Variants in IFFO2 observed in about 807,000 individuals in gnomAD.
IFFO2 encodes the protein intermediate filament family orphan 2.
IFFO2 carries 19 observed loss-of-function variants against 53.5 expected under a neutral mutation model. The observed-to-expected ratio is 0.36, with a 90% CI of 0.25 to 0.52. The LOEUF (loss-of-function observed/expected upper bound fraction) is 0.52. IFFO2 is among the 20% of genes least tolerant of loss of function. The pLI is 0.94. For missense variants in IFFO2, 570 were observed against 727.4 expected, an observed-to-expected ratio of 0.78 and a Z score of 2.49; for synonymous variants, 303 against 313.6, an observed-to-expected ratio of 0.97 and a Z score of 0.36.
chr1:18,909,059 T>C (rs1935993864), intron 8 of IFFO2, among the ~76,000 whole-genome samples: 1 of 151,696 alleles, frequency 6.6e-6, no homozygotes, highest in South Asian at 2.1e-4. Flanking sequence ...TGATTCTATC[T>C]CGGATGAGCT....
intron 1 of IFFO2, among the ~76,000 whole-genome samples, chr1:18,951,544 A>G (rs1302205239): frequency 1.3e-5 from 2 of 152,228 alleles, no homozygotes; most frequent in Non-Finnish European, 2.9e-5. Flanking sequence ...CAGGCCCCCA[A>G]AAGAGTCGCC....
At chr1:18,950,279 A>G (rs2148192094) in intron 1 of IFFO2, among the ~76,000 whole-genome samples, 1 of 152,316 alleles carries the variant, frequency 6.6e-6, no homozygotes, top group African/African-American at 2.4e-5. Context: ...CATGCCCTGA[A>G]ATGGACTTGT....
At chr1:18,949,890 C>T (rs1018806703) in intron 1 of IFFO2, among the ~76,000 whole-genome samples, 1 of 152,226 alleles carries the variant, frequency 6.6e-6, no homozygotes, top group African/African-American at 2.4e-5. Flanking sequence ...AGCCCCGCCT[C>T]GCATTCCTCT....
chr1:18,938,585 G>A (rs1185568883), intron 1 of IFFO2, among the ~76,000 whole-genome samples: 5 of 152,196 alleles, frequency 3.3e-5, no homozygotes, highest in Admixed American at 6.5e-5. Flanking sequence ...AGCAGGCCTC[G>A]GGGGAAGCCC....
rs933814018 is a variant in IFFO2, at chr1:18,911,423, C to T, written c.1278G>A (p.Thr426=). The change falls in exon 7 of 9, where the codon ACG becomes ACA. Residue 426 remains threonine (T), a synonymous_variant. Coordinates refer to ENST00000455833, the MANE Select transcript of IFFO2 (RefSeq NM_001136265.2). ...TCGTTTCCTGGTACTCCTTGTCTCT[C>T]GTCTTGAAGAAGGATTCGGTCTCAT... ...LIHETESFFK[T]RDKEYQETIG... is the part of the protein sequence containing the mutation. 30 of 1,522,922 alleles carry T rather than the reference C, an allele frequency of 2.0e-5. No homozygotes were observed. The highest frequency in any genetic ancestry group is 6.4e-5 in the South Asian group (5 of 78,576). 94.3% of individuals were successfully genotyped at this position (1,522,922 alleles called of 1,614,324 possible).
chr1:18,911,456 G>A lies in IFFO2; in HGVS notation c.1245C>T (p.Asn415=), dbSNP rs926017909. 4.6e-6 allele frequency: 7 copies of A among 1,508,748 alleles called. No homozygotes were observed. In the East Asian group the frequency reaches 1.3e-4, roughly 29 times the overall value. The allele number at this position is 1,508,748 out of a possible 1,614,324, so 93.5% of individuals were successfully genotyped here. A position where few individuals can be genotyped will look rare whatever the true frequency, so the allele number is the denominator to read the frequency against. The change falls in exon 7 of 9, where the codon AAC becomes AAT. Residue 415 remains asparagine (N), a synonymous_variant. Transcript: ENST00000455833. The stretch of plus-strand genomic sequence containing the variant: ...AGAAGGATTCGGTCTCATGGATCAA[G>A]TTGCCCAAGTTTTCCTCTTGCTGGG... ...LQGEQEENLG[N]LIHETESFFK...
At chr1:18,910,282 C>A in intron 8 of IFFO2, 60 bp downstream of exon 8, 1 of 1,549,382 alleles carries the variant, frequency 6.5e-7, no homozygotes, top group Non-Finnish European at 8.7e-7. Flanking sequence ...CGAGTTGCAG[C>A]CTTGGGAATT....
chr1:18,936,709 C>T lies in IFFO2; in HGVS notation c.666-15588G>A, dbSNP rs768462201. Among the ~76,000 whole-genome samples, 48 of 152,222 alleles carry T rather than the reference C, an allele frequency of 3.2e-4. No homozygotes were observed. The highest frequency in any genetic ancestry group is 9.4e-4 in the African/African-American group (39 of 41,462). ...TCCCGCATACTTACTCACCCGCAGC[C>T]GCCCTGGAGCCAGCTGCCTGGGAGC... On this transcript the variant is annotated intron_variant, in intron 1 of 8. Transcript: ENST00000455833. The surrounding 1 kb of genome is among the most constrained non-coding windows in gnomAD (Gnocchi z 4.5).
rs1936176184 is a variant in IFFO2, at chr1:18,919,032, C to T, written c.823-530G>A. Reference sequence around the variant, plus strand: ...AACCACACCCAGCTTCACGTCCCTCCACACCAGGAGCCATGCCAGGCTCAG... The same window carrying T: ...AACCACACCCAGCTTCACGTCCCTCTACACCAGGAGCCATGCCAGGCTCAG... On this transcript the variant is annotated intron_variant, in intron 3 of 8. Transcript: ENST00000455833. This position sits in a 1 kb window ranked among gnomAD's most constrained non-coding sequence, Gnocchi z 4.9. 6.6e-6 allele frequency among the ~76,000 whole-genome samples: 1 copy of T among 152,088 alleles called. No individual in the cohort carries two copies. The highest frequency in any genetic ancestry group is 2.4e-5 in the African/African-American group (1 of 41,392).
chr1:18,921,125 CA>C lies in IFFO2; in HGVS notation c.666-5del. ...CTTGGCGAGCTCCTCCTCCCACCTG[CA>C]AAAGCCAAGAGGAACAGGTGGTCAG... On this transcript the variant is annotated splice_polypyrimidine_tract_variant and splice_region_variant and intron_variant, in intron 1 of 8. Transcript: ENST00000455833. The C allele has an allele frequency of 1.3e-6, 2 of 1,551,860 alleles. No individual in the cohort carries two copies. The highest frequency in any genetic ancestry group is 2.4e-5 in the East Asian group (1 of 40,924).
In IFFO2 at chr1:18,918,607, G is replaced by A. The variant is rs1472624875; in HGVS notation, c.823-105C>T. 19 of 1,252,506 alleles carry A rather than the reference G, an allele frequency of 1.5e-5. 1 individual carries two copies. In the South Asian group the frequency reaches 2.1e-4, roughly 14 times the overall value. The allele number at this position is 1,252,506 out of a possible 1,614,324, so 77.6% of individuals were successfully genotyped here. On this transcript the variant is annotated intron_variant, in intron 3 of 8. Coordinates refer to ENST00000455833, the MANE Select transcript of IFFO2 (RefSeq NM_001136265.2). The surrounding 1 kb of genome is among the most constrained non-coding windows in gnomAD (Gnocchi z 5.2). The stretch of plus-strand genomic sequence containing the variant: ...CTAGGTGTCAGCAGGGGTGGTGCGG[G>A]GAGGCCTCCAGAGTCCGAGGGTGCC...
chr1:18,926,149 G>GGATGGATGGATGGATA (rs1463689521), intron 1 of IFFO2, among the ~76,000 whole-genome samples: 6 of 149,458 alleles, frequency 4.0e-5, no homozygotes, highest in African/African-American at 1.5e-4. Flanking sequence ...ATGGATGGAT[G>GGATGGATGGATGGATA]GATCCAAAGC....
At chr1:18,929,689 G>T (rs28444702) in intron 1 of IFFO2, among the ~76,000 whole-genome samples, 2 of 147,188 alleles carry the variant, frequency 1.4e-5, no homozygotes, top group African/African-American at 5.1e-5. Context: ...GGGAAAGAAC[G>T]GCAAGCCCCT....
At chr1:18,927,009 C>T (rs1173801971) in intron 1 of IFFO2, among the ~76,000 whole-genome samples, 1 of 152,170 alleles carries the variant, frequency 6.6e-6, no homozygotes, top group African/African-American at 2.4e-5. Context: ...CAAATCCTGC[C>T]CCATCACTTC....
At chr1:18,909,939 T>C (rs1936009734) in intron 8 of IFFO2, among the ~76,000 whole-genome samples, 1 of 151,942 alleles carries the variant, frequency 6.6e-6, no homozygotes, top group African/African-American at 2.4e-5. Flanking sequence ...GACTAACAGA[T>C]GGGAAAGGAA....
Position 18,919,007 on chromosome 1 carries a change from A to T in IFFO2, c.823-505T>A, listed in dbSNP as rs1305001753. Among the ~76,000 whole-genome samples the T allele has an allele frequency of 6.6e-6, 1 of 151,996 alleles. No homozygotes were observed. Among genetic ancestry groups the T allele is most frequent in the Non-Finnish European group, 1.5e-5 (1 of 67,986 alleles). ...ACTAGGGTCCTGGGAGGCTTCTACC[A>T]ACCACACCCAGCTTCACGTCCCTCC... On this transcript the variant is annotated intron_variant, in intron 3 of 8. Coordinates refer to ENST00000455833, the MANE Select transcript of IFFO2 (RefSeq NM_001136265.2). The surrounding 1 kb of genome is among the most constrained non-coding windows in gnomAD (Gnocchi z 4.9).
chr1:18,928,160 C>T lies in IFFO2; in HGVS notation c.666-7039G>A, dbSNP rs1449859011. Reference sequence around the variant, plus strand: ...GACAGCCAATAAGCTCTAGCCCCTGCGCATGAAAGAGGCCCCCTCCTGCCT... The same window carrying T: ...GACAGCCAATAAGCTCTAGCCCCTGTGCATGAAAGAGGCCCCCTCCTGCCT... On this transcript the variant is annotated intron_variant, in intron 1 of 8. Coordinates refer to ENST00000455833, the MANE Select transcript of IFFO2 (RefSeq NM_001136265.2). The surrounding 1 kb of genome is among the most constrained non-coding windows in gnomAD (Gnocchi z 4.9). Among the ~76,000 whole-genome samples, 6 of 152,138 alleles carry T rather than the reference C, an allele frequency of 3.9e-5. No homozygotes were observed. Among genetic ancestry groups the T allele is most frequent in the Admixed American group, 1.3e-4 (2 of 15,282 alleles).
At chr1:18,912,976 A>G (rs946297775) in intron 5 of IFFO2, among the ~76,000 whole-genome samples, 13 of 152,182 alleles carry the variant, frequency 8.5e-5, no homozygotes, top group African/African-American at 3.1e-4. Context: ...ACATACCCCT[A>G]TTTCCAAGGG....
At chr1:18,908,862 TCTGG>T (rs1935990319) in intron 8 of IFFO2, among the ~76,000 whole-genome samples, 196 bp from the exon 9 acceptor site, 1 of 152,200 alleles carries the variant, frequency 6.6e-6, no homozygotes. Flanking sequence ...CCCTACTTGG[TCTGG>T]CTGTGTTGGC....
Sources: allele counts gnomAD v4.1 joint callset (sites outside exome capture counted in the v4.1 genomes callset), GRCh38; gene constraint gnomAD v4.1.1; non-coding constraint Gnocchi (gnomAD v3.1); transcripts MANE v1.5; gene names NCBI Gene and HGNC (gene_info 2026-07-23, HGNC 2026-07-21).